Variants in CACNA2D4 observed in about 807,000 individuals in gnomAD.
CACNA2D4 encodes calcium voltage-gated channel auxiliary subunit alpha2delta 4, also known as voltage-dependent calcium channel subunit alpha-2/delta-4.
In CACNA2D4, 157 loss-of-function variants were observed where a neutral mutation model predicts 163.8. The observed-to-expected ratio is 0.96, with a 90% CI of 0.84 to 1.09. The LOEUF is 1.09. Ranked by LOEUF, CACNA2D4 falls within the 50% of genes least tolerant of loss-of-function variation. The probability of loss-of-function intolerance (pLI) is 0.00; values close to 1 mark genes in which losing one functional copy is unlikely to be tolerated. For synonymous variants in CACNA2D4, 598 were observed against 586.9 expected, an observed-to-expected ratio of 1.02 and a Z score of -0.27; for missense variants, 1,410 against 1,479.9, an observed-to-expected ratio of 0.95 and a Z score of 0.78.
In CACNA2D4 at chr12:1,903,813, G is replaced by T. The variant is rs11503099; in HGVS notation, c.781+3627C>A. Among the ~76,000 whole-genome samples the T allele has an allele frequency of 2.6e-5, 4 of 151,900 alleles. No individual in the cohort carries two copies. The East Asian group carries it at 7.7e-4, about 29-fold the overall frequency. On this transcript the variant is annotated intron_variant, in intron 6 of 37. Coordinates refer to ENST00000382722, the MANE Select transcript of CACNA2D4 (RefSeq NM_172364.5). ...AACAACTATGGAGAACAGTTTTGAG[G>T]TTCCTCAAAAAACTAGAAATAGAGC...
intron 6 of CACNA2D4, among the ~76,000 whole-genome samples, chr12:1,904,675 A>G (rs1866613747): frequency 6.6e-6 from 1 of 152,056 alleles, no homozygotes; most frequent in South Asian, 2.1e-4. Context: ...TATAAATCCA[A>G]ATTAGAATGT....
intron 37 of CACNA2D4, 91 bp downstream of exon 37, chr12:1,795,208 C>T (rs771980230): frequency 1.7e-6 from 2 of 1,168,688 alleles, no homozygotes; most frequent in Non-Finnish European, 2.5e-6. Context: ...ATTGGCATCC[C>T]TATATGCTCC....
chr12:1,913,095 A>T lies in CACNA2D4; in HGVS notation c.354T>A (p.Asp118Glu), dbSNP rs772937451. 2 of 1,613,848 alleles carry T rather than the reference A, an allele frequency of 1.2e-6. No individual in the cohort carries two copies. Among genetic ancestry groups the T allele is most frequent in the Non-Finnish European group, 1.7e-6 (2 of 1,179,824 alleles). Residue 118 changes from aspartate (D) to glutamate (E), a missense_variant, in exon 3 of 38, where the codon GAT becomes GAA. Transcript: ENST00000382722. ...VESSLKIEEV[D>E]GLELVRKFSE... Reference sequence around the variant, plus strand: ...AGAACTTCCTCACCAGCTCCAAGCCATCCACCTCCTCGATCTTCAGACTGG... The same window carrying T: ...AGAACTTCCTCACCAGCTCCAAGCCTTCCACCTCCTCGATCTTCAGACTGG...
chr12:1,820,955 C>G lies in CACNA2D4; in HGVS notation c.2552-9232G>C, dbSNP rs919292329. ...TCCTACCTGCAGGCAATTGCTGGGG[C>G]CGAAGAAGCTGCTCGGGCTCAGGCA... On this transcript the variant is annotated intron_variant, in intron 26 of 37. Coordinates refer to ENST00000382722, the MANE Select transcript of CACNA2D4 (RefSeq NM_172364.5). This position sits in a 1 kb window ranked among gnomAD's most constrained non-coding sequence, Gnocchi z 6.0. 1 of 152,256 alleles carries G rather than the reference C, an allele frequency of 6.6e-6. No individual in the cohort carries two copies. Among genetic ancestry groups the G allele is most frequent in the Non-Finnish European group, 1.5e-5 (1 of 68,102 alleles). The allele number at this position is 152,256 out of a possible 1,614,324, so 9.4% of individuals were successfully genotyped here. A position where few individuals can be genotyped will look rare whatever the true frequency, so the allele number is the denominator to read the frequency against.
chr12:1,807,130 G>C (rs890508512), intron 29 of CACNA2D4, among the ~76,000 whole-genome samples: 1 of 151,930 alleles, frequency 6.6e-6, no homozygotes, highest in Admixed American at 6.6e-5. Context: ...CTGACATCAG[G>C]TTTCAAAAGA....
chr12:1,850,235 C>T (rs985407584), intron 23 of CACNA2D4, among the ~76,000 whole-genome samples: 32 of 152,212 alleles, frequency 2.1e-4, no homozygotes, highest in South Asian at 2.1e-4. Flanking sequence ...CAACAGTGCA[C>T]ACTGACAAGC....
intron 4 of CACNA2D4, among the ~76,000 whole-genome samples, chr12:1,909,333 A>T (rs970138010): frequency 6.6e-6 from 1 of 152,156 alleles, no homozygotes; most frequent in African/African-American, 2.4e-5. Context: ...CTGGGACTAC[A>T]AGCGCCTGCC....
chr12:1,804,799 T>C (rs1045259603), intron 29 of CACNA2D4, among the ~76,000 whole-genome samples: 11 of 152,268 alleles, frequency 7.2e-5, no homozygotes, highest in Non-Finnish European at 4.4e-5. Flanking sequence ...CCTCCAGCTA[T>C]GCTGGGATCG....
At chr12:1,826,762 G>A (rs1349684741) in intron 26 of CACNA2D4, among the ~76,000 whole-genome samples, 3 of 152,208 alleles carry the variant, frequency 2.0e-5, no homozygotes, top group Admixed American at 1.3e-4. Flanking sequence ...CGCCTGAGGA[G>A]CACCCAAGGA....
rs1863190877 is a variant in CACNA2D4, at chr12:1,798,075, G to A, written c.2996-540C>T. 6.6e-6 allele frequency among the ~76,000 whole-genome samples: 1 copy of A among 152,346 alleles called. No individual in the cohort carries two copies. Among genetic ancestry groups the A allele is most frequent in the Non-Finnish European group, 1.5e-5 (1 of 68,020 alleles). ...AGCCGGGCAGGTGGGCTCCAGGCCT[G>A]GGGCTGCGGAAGCCCAGAAGCCACA... On this transcript the variant is annotated intron_variant, in intron 34 of 37. Coordinates refer to ENST00000382722, the MANE Select transcript of CACNA2D4 (RefSeq NM_172364.5). The surrounding 1 kb of genome is among the most constrained non-coding windows in gnomAD (Gnocchi z 4.3).
In CACNA2D4 at chr12:1,802,880, TGATAA is replaced by T. The variant is rs1863387841; in HGVS notation, c.2722-1241_2722-1237del. The stretch of plus-strand genomic sequence containing the variant: ...TGTGGAGTCCTAGTCTCACTCTGCC[TGATAA>T]GATATTTGGTTGAAAACTGTATGAG... On this transcript the variant is annotated intron_variant, in intron 29 of 37. Transcript: ENST00000382722. This position sits in a 1 kb window ranked among gnomAD's most constrained non-coding sequence, Gnocchi z 4.7. Among the ~76,000 whole-genome samples the T allele has an allele frequency of 6.6e-6, 1 of 152,224 alleles. No homozygotes were observed. The highest frequency in any genetic ancestry group is 1.5e-5 in the Non-Finnish European group (1 of 68,044).
At chr12:1,821,538 G>A (rs537585896) in intron 26 of CACNA2D4, among the ~76,000 whole-genome samples, 2 of 152,322 alleles carry the variant, frequency 1.3e-5, no homozygotes, top group African/African-American at 4.8e-5. Context: ...GAACCTGCTG[G>A]GGTGTCCCGC....
chr12:1,818,558 G>A (rs1276148385), intron 26 of CACNA2D4, among the ~76,000 whole-genome samples: 1 of 151,466 alleles, frequency 6.6e-6, no homozygotes, highest in Non-Finnish European at 1.5e-5. Context: ...TTGTTAAACA[G>A]ATGCTTGAAG....
intron 13 of CACNA2D4, 79 bp downstream of exon 13, chr12:1,882,788 C>T (rs76852665): frequency 1.3e-6 from 2 of 1,509,978 alleles, no homozygotes; most frequent in Non-Finnish European, 1.8e-6. Flanking sequence ...CTTTCCTGAC[C>T]CAGGAAGTAA....
chr12:1,814,086 G>C (rs1321227889), intron 26 of CACNA2D4, among the ~76,000 whole-genome samples: 1 of 152,224 alleles, frequency 6.6e-6, no homozygotes, highest in Non-Finnish European at 1.5e-5. Context: ...CTTCGGGATT[G>C]AAGAAAGCTT....
intron 26 of CACNA2D4, among the ~76,000 whole-genome samples, chr12:1,824,747 C>T (rs1001985147): frequency 6.6e-6 from 1 of 152,212 alleles, no homozygotes; most frequent in Non-Finnish European, 1.5e-5. Flanking sequence ...TAAGGAGGCT[C>T]CACTCTTCTG....
intron 3 of CACNA2D4, among the ~76,000 whole-genome samples, chr12:1,911,970 C>T (rs1226968507): frequency 6.6e-6 from 1 of 152,226 alleles, no homozygotes; most frequent in Non-Finnish European, 1.5e-5. Flanking sequence ...GGCATCTTCT[C>T]ATTGGTTCCT....
At position 1,886,622 on chromosome 12, in the gene CACNA2D4, CT is replaced by C. The variant is rs78528280; in HGVS notation, c.843-250del. On this transcript the variant is annotated intron_variant, in intron 7 of 37. Coordinates refer to ENST00000382722, the MANE Select transcript of CACNA2D4 (RefSeq NM_172364.5). ...CAAGCCCTGGAGGTAACGCTTGTTC[CT>C]TTTGATTTAGACCAACCGGGGTCCC... Among the ~76,000 whole-genome samples, 473 of 152,278 alleles carry C rather than the reference CT, an allele frequency of 3.1e-3. 9 individuals carry two copies. Among genetic ancestry groups the C allele is most frequent in the East Asian group, 0.017 (86 of 5,180 alleles).
intron 20 of CACNA2D4, among the ~76,000 whole-genome samples, chr12:1,857,959 G>T (rs927417839): frequency 4.6e-5 from 7 of 152,168 alleles, no homozygotes; most frequent in Non-Finnish European, 1.5e-5. Flanking sequence ...AGGGGAGAAG[G>T]CCACGGGATC....
Sources: allele counts gnomAD v4.1 joint callset (sites outside exome capture counted in the v4.1 genomes callset), GRCh38; gene constraint gnomAD v4.1.1; non-coding constraint Gnocchi (gnomAD v3.1); transcripts MANE v1.5; gene names NCBI Gene and HGNC (gene_info 2026-07-23, HGNC 2026-07-21).